SETBP1: variants seen among roughly 807,000 people sequenced by gnomAD.
SETBP1 encodes SET binding protein 1.
In SETBP1, 9 loss-of-function variants were observed where a neutral mutation model predicts 101.0. The ratio of observed to expected loss-of-function variants is 0.09; its 90% CI spans 0.05 to 0.16. The LOEUF is 0.16. Among genes scored for constraint, SETBP1 ranks in the 10% least tolerant of loss-of-function variants. The pLI is 1.00. For missense variants in SETBP1, 1,858 were observed against 2,033.8 expected, an observed-to-expected ratio of 0.91 and a Z score of 1.66; for synonymous variants, 818 against 788.5, an observed-to-expected ratio of 1.04 and a Z score of -0.63.
At chr18:44,762,006 C>G (rs2144592085) in intron 2 of SETBP1, among the ~76,000 whole-genome samples, 1 of 152,296 alleles carries the variant, frequency 6.6e-6, no homozygotes, top group East Asian at 1.9e-4. Context: ...CTGGCTGACC[C>G]TGGCCATCTA....
At chr18:45,051,257 T>C (rs2073716050) in intron 5 of SETBP1, among the ~76,000 whole-genome samples, 1 of 152,178 alleles carries the variant, frequency 6.6e-6, no homozygotes. Flanking sequence ...TCTTCTTAAA[T>C]TGTCAAATCT....
At chr18:44,811,904 T>A (rs540688092) in intron 2 of SETBP1, among the ~76,000 whole-genome samples, 1 of 152,336 alleles carries the variant, frequency 6.6e-6, no homozygotes, top group South Asian at 2.1e-4. Flanking sequence ...CTTTTCATGC[T>A]TTAAAGACCT....
At chr18:45,045,699 A>G (rs17735048) in intron 5 of SETBP1, among the ~76,000 whole-genome samples, 20,024 of 152,146 alleles carry the variant, frequency 0.13, 1,579 homozygotes, top group Non-Finnish European at 0.18. Context: ...GGTGATCTCA[A>G]GACTTCAGTG....
chr18:44,774,433 T>C (rs1400788607), intron 2 of SETBP1, among the ~76,000 whole-genome samples: 5 of 152,002 alleles, frequency 3.3e-5, no homozygotes, highest in African/African-American at 1.2e-4. Flanking sequence ...GGCTTAGATA[T>C]ATGCATCTTA....
At chr18:44,699,821 G>A (rs984737664) in intron 1 of SETBP1, among the ~76,000 whole-genome samples, 9 of 152,218 alleles carry the variant, frequency 5.9e-5, no homozygotes, top group Admixed American at 5.9e-4. Flanking sequence ...CTCACAGGGC[G>A]TCAGCTAAAA....
At chr18:44,897,074 C>G (rs1244333371) in intron 3 of SETBP1, among the ~76,000 whole-genome samples, 1 of 152,162 alleles carries the variant, frequency 6.6e-6, no homozygotes, top group Non-Finnish European at 1.5e-5. Flanking sequence ...CTGTGCACTC[C>G]TCACTTTTGA....
intron 4 of SETBP1, among the ~76,000 whole-genome samples, chr18:44,985,951 G>A (rs183277179): frequency 1.3e-4 from 20 of 152,362 alleles, no homozygotes; most frequent in Non-Finnish European, 2.9e-5. Context: ...GAGGGAAAGA[G>A]CAACCAATTT....
chr18:45,034,230 A>C (rs926502744), intron 4 of SETBP1, among the ~76,000 whole-genome samples: 8 of 152,212 alleles, frequency 5.3e-5, no homozygotes, highest in African/African-American at 1.9e-4. Flanking sequence ...CCCTTAAGGT[A>C]GTAAACAATG....
intron 3 of SETBP1, among the ~76,000 whole-genome samples, chr18:44,885,014 G>C (rs1052496445): frequency 6.6e-6 from 1 of 152,064 alleles, no homozygotes; most frequent in Non-Finnish European, 1.5e-5. Flanking sequence ...AACACTTTTA[G>C]AATACAGTCT....
chr18:44,850,391 G>A (rs1336942970), intron 2 of SETBP1, among the ~76,000 whole-genome samples: 2 of 150,390 alleles, frequency 1.3e-5, no homozygotes, highest in East Asian at 3.9e-4. Flanking sequence ...TTTTTTTTGA[G>A]ACAGAGTCTT....
At chr18:44,735,777 A>C (rs1217187110) in intron 2 of SETBP1, among the ~76,000 whole-genome samples, 4 of 152,184 alleles carry the variant, frequency 2.6e-5, no homozygotes, top group Non-Finnish European at 1.5e-5. Flanking sequence ...ACTTAACACA[A>C]GTTCTGCCAG....
chr18:44,932,093 A>C (rs1010576457), intron 3 of SETBP1, among the ~76,000 whole-genome samples: 1 of 152,054 alleles, frequency 6.6e-6, no homozygotes, highest in African/African-American at 2.4e-5. Flanking sequence ...GTTCCTTTCC[A>C]TGTTTAGTGC....
chr18:44,833,164 T>C (rs1055185303), intron 2 of SETBP1, among the ~76,000 whole-genome samples: 2 of 152,208 alleles, frequency 1.3e-5, no homozygotes. Context: ...GGAGTTTTGA[T>C]AGAAGTACAA....
intron 3 of SETBP1, among the ~76,000 whole-genome samples, chr18:44,920,839 A>G (rs1393912741): frequency 6.7e-6 from 1 of 150,208 alleles, no homozygotes; most frequent in Non-Finnish European, 1.5e-5. Flanking sequence ...AAAACTAGCT[A>G]CTGGCATCGG....
intron 2 of SETBP1, among the ~76,000 whole-genome samples, chr18:44,846,246 T>C (rs760836152): frequency 1.2e-4 from 18 of 152,224 alleles, no homozygotes; most frequent in Non-Finnish European, 2.5e-4. Context: ...TTTTAAAGTT[T>C]AATGCTCCCA....
intron 4 of SETBP1, among the ~76,000 whole-genome samples, chr18:45,027,971 C>T (rs935892391): frequency 6.6e-6 from 1 of 152,046 alleles, no homozygotes; most frequent in Non-Finnish European, 1.5e-5. Context: ...AGCAACATAG[C>T]ATCTCTCTGA....
At chr18:44,926,465 T>G (rs1253059261) in intron 3 of SETBP1, among the ~76,000 whole-genome samples, 1 of 152,182 alleles carries the variant, frequency 6.6e-6, no homozygotes, top group African/African-American at 2.4e-5. Context: ...TGACTGGGGA[T>G]GCAGTGTCCT....
chr18:44,997,117 C>T (rs920585861), intron 4 of SETBP1, among the ~76,000 whole-genome samples: 6 of 140,696 alleles, frequency 4.3e-5, no homozygotes, highest in African/African-American at 1.3e-4. Flanking sequence ...CTCCCAGTTC[C>T]AGGAGCATCT....
chr18:44,697,158 CTG>C (rs1458006512), intron 1 of SETBP1: 1 of 152,260 alleles, frequency 6.6e-6, no homozygotes. Flanking sequence ...TTCCCCAACT[CTG>C]AGTGCGTGAG....
Sources: allele counts gnomAD v4.1 joint callset (sites outside exome capture counted in the v4.1 genomes callset), GRCh38; gene constraint gnomAD v4.1.1; transcripts MANE v1.5; gene names NCBI Gene and HGNC (gene_info 2026-07-23, HGNC 2026-07-21).